Variants in ERBB4 observed in about 807,000 individuals in gnomAD.
ERBB4 encodes the protein receptor tyrosine-protein kinase erbB-4.
ERBB4 carries 42 observed loss-of-function variants against 158.0 expected under a neutral mutation model. That is an observed-to-expected ratio of 0.27 (90% CI 0.21 to 0.34). ERBB4 has a LOEUF of 0.34. Ranked by LOEUF, ERBB4 falls within the 10% of genes least tolerant of loss-of-function variation. The probability of loss-of-function intolerance (pLI) is 1.00; values close to 1 mark genes in which losing one functional copy is unlikely to be tolerated. For synonymous variants in ERBB4, 583 were observed against 558.7 expected (o/e 1.04, Z -0.61); for missense variants, 1,333 against 1,624.1 (o/e 0.82, Z 3.08).
intron 5 of ERBB4, among the ~76,000 whole-genome samples, chr2:211,744,492 C>G (rs1269534456): frequency 6.6e-6 from 1 of 152,204 alleles, no homozygotes; most frequent in Non-Finnish European, 1.5e-5. Flanking sequence ...TGGCCTCCCA[C>G]AGACCTTCCC....
intron 20 of ERBB4, among the ~76,000 whole-genome samples, chr2:211,552,063 T>C (rs954949948): frequency 3.9e-5 from 6 of 152,110 alleles, no homozygotes; most frequent in African/African-American, 1.4e-4. Flanking sequence ...ATTTGCCCCT[T>C]CCACTAACTC....
chr2:212,078,998 T>C (rs931254111), intron 2 of ERBB4, among the ~76,000 whole-genome samples: 3 of 151,398 alleles, frequency 2.0e-5, no homozygotes, highest in Admixed American at 6.6e-5. Context: ...TTAGTATTTA[T>C]AGATTTACTT....
At chr2:211,645,048 G>A (rs1389921705) in intron 16 of ERBB4, among the ~76,000 whole-genome samples, 1 of 147,802 alleles carries the variant, frequency 6.8e-6, no homozygotes, top group Non-Finnish European at 1.5e-5. Flanking sequence ...TTAGTTGCTG[G>A]AAAACACTAA....
rs764461483 is a variant in ERBB4, at chr2:211,430,900, T to C, written c.2643+45A>G. 19 of 1,475,436 alleles carry C rather than the reference T, an allele frequency of 1.3e-5. No individual in the cohort carries two copies. In the East Asian group the frequency reaches 3.2e-4, roughly 25 times the overall value. 91.4% of individuals were successfully genotyped at this position (1,475,436 alleles called of 1,614,324 possible). On this transcript the variant is annotated intron_variant, in intron 21 of 27. Coordinates refer to ENST00000342788, the MANE Select transcript of ERBB4 (RefSeq NM_005235.3). ...TAAAATATAAGGAGATAAAAGGATA[T>C]TATACTATATTTTCAAGCAAGATTG... is the stretch of plus-strand genomic sequence containing the variant.
intron 25 of ERBB4, among the ~76,000 whole-genome samples, chr2:211,398,721 C>T (rs184193056): frequency 6.6e-6 from 1 of 152,302 alleles, no homozygotes; most frequent in East Asian, 1.9e-4. Context: ...ATCCCAGTTA[C>T]TTGGGAGGCT....
chr2:212,398,506 T>C (rs959010081), intron 1 of ERBB4, among the ~76,000 whole-genome samples: 3 of 152,172 alleles, frequency 2.0e-5, no homozygotes, highest in Non-Finnish European at 4.4e-5. Context: ...ACATGATCAT[T>C]GTAATGTTAA....
chr2:211,691,789 G>A (rs1365760325), intron 12 of ERBB4, among the ~76,000 whole-genome samples: 3 of 152,016 alleles, frequency 2.0e-5, no homozygotes, highest in Admixed American at 1.3e-4. Context: ...GAGAGTCTGA[G>A]GAAGGAATAA....
chr2:212,141,464 A>C (rs1484018226), intron 1 of ERBB4, among the ~76,000 whole-genome samples: 1 of 152,120 alleles, frequency 6.6e-6, no homozygotes, highest in Non-Finnish European at 1.5e-5. Context: ...AATAGGCTTC[A>C]GTCAAGTGAG....
At chr2:211,697,802 T>C (rs953669684) in intron 12 of ERBB4, among the ~76,000 whole-genome samples, 1 of 152,218 alleles carries the variant, frequency 6.6e-6, no homozygotes, top group African/African-American at 2.4e-5. Context: ...TTAGTATTTT[T>C]GGAAGATGAC....
chr2:211,473,026 A>G (rs140130931), intron 20 of ERBB4, among the ~76,000 whole-genome samples: 199 of 152,008 alleles, frequency 1.3e-3, no homozygotes, highest in Non-Finnish European at 2.3e-3. Context: ...GAACCCATAA[A>G]TGTTACTATA....
At chr2:211,903,131 A>G (rs2079282548) in intron 3 of ERBB4, among the ~76,000 whole-genome samples, 1 of 150,466 alleles carries the variant, frequency 6.6e-6, no homozygotes, top group African/African-American at 2.5e-5. Flanking sequence ...ATTTGCCACA[A>G]TGTTTCTTTC....
At chr2:212,114,945 T>A (rs1039264430) in intron 2 of ERBB4, among the ~76,000 whole-genome samples, 4 of 152,166 alleles carry the variant, frequency 2.6e-5, no homozygotes, top group African/African-American at 9.7e-5. Context: ...CCAGCTCTTG[T>A]TGAGGGGCTA....
intron 20 of ERBB4, among the ~76,000 whole-genome samples, chr2:211,461,750 C>T (rs1251835394): frequency 6.6e-6 from 1 of 151,880 alleles, no homozygotes; most frequent in Admixed American, 6.6e-5. Context: ...CAGAGGTTAT[C>T]TAGAAGAGTT....
At position 211,621,707 on chromosome 2, in the gene ERBB4, C is replaced by T. The variant is rs189980734; in HGVS notation, c.2202+2215G>A. On this transcript the variant is annotated intron_variant, in intron 18 of 27. Coordinates refer to ENST00000342788, the MANE Select transcript of ERBB4 (RefSeq NM_005235.3). ...TATAGGAGTGATTATACTCTAGGAA[C>T]AATGTAAGATTGAGTTATCTTAAAA... Among the ~76,000 whole-genome samples, 463 of 152,186 alleles carry T rather than the reference C, an allele frequency of 3.0e-3. 1 individual carries two copies. Among genetic ancestry groups the T allele is most frequent in the Non-Finnish European group, 4.8e-3 (325 of 68,002 alleles).
intron 1 of ERBB4, among the ~76,000 whole-genome samples, chr2:212,166,532 T>A (rs13007039): frequency 0.61 from 91,761 of 150,808 alleles, 29,061 homozygotes; most frequent in African/African-American, 0.68. Context: ...TTTAGATTCA[T>A]TGACATTCCC....
chr2:211,634,286 C>G (rs1411603534), intron 16 of ERBB4, among the ~76,000 whole-genome samples: 1 of 151,400 alleles, frequency 6.6e-6, no homozygotes, highest in Non-Finnish European at 1.5e-5. Flanking sequence ...TTTTGTTATT[C>G]CCTGTCCACT....
intron 1 of ERBB4, among the ~76,000 whole-genome samples, chr2:212,360,297 T>C (rs2089636672): frequency 6.6e-6 from 1 of 151,676 alleles, no homozygotes; most frequent in Non-Finnish European, 1.5e-5. Context: ...TCTGTCACTG[T>C]GTGCAAGCCA....
At position 211,376,529 on chromosome 2, in the gene ERBB4, C is replaced by T. The variant is rs1039497926; in HGVS notation, c.*7086G>A. 1.3e-5 allele frequency: 3 copies of T among 232,706 alleles called. No individual in the cohort carries two copies. Among genetic ancestry groups the T allele is most frequent in the Middle Eastern group, 1.3e-3 (1 of 784 alleles). 14.4% of individuals were successfully genotyped at this position (232,706 alleles called of 1,614,324 possible). Reference sequence around the variant, plus strand: ...TTACCAGCAAGGTATTTTTGCACCCCAATCCTTTGAAGATACTTCACAAGA... The same window carrying T: ...TTACCAGCAAGGTATTTTTGCACCCTAATCCTTTGAAGATACTTCACAAGA... On this transcript the variant is annotated 3_prime_UTR_variant, in exon 28 of 28. Transcript: ENST00000342788.
intron 20 of ERBB4, among the ~76,000 whole-genome samples, chr2:211,432,022 T>G (rs941100578): frequency 6.6e-6 from 1 of 152,184 alleles, no homozygotes; most frequent in Admixed American, 6.5e-5. Flanking sequence ...AAAGAACTTA[T>G]GTAAAACTAA....
Sources: allele counts gnomAD v4.1 joint callset (sites outside exome capture counted in the v4.1 genomes callset), GRCh38; gene constraint gnomAD v4.1.1; transcripts MANE v1.5; gene names NCBI Gene and HGNC (gene_info 2026-07-23, HGNC 2026-07-21).